Variants in TLCD5 observed in about 807,000 individuals in gnomAD.
The protein encoded by TLCD5 is TLC domain-containing protein 5.
TLCD5 carries 15 observed loss-of-function variants against 20.5 expected under a neutral mutation model. The ratio of observed to expected loss-of-function variants is 0.73; its 90% CI spans 0.49 to 1.13. The LOEUF is 1.13. Ranked by LOEUF, TLCD5 falls within the 50% of genes most tolerant of loss-of-function variation. The pLI, the probability that TLCD5 is intolerant of heterozygous loss-of-function variation, is 0.00. For missense variants in TLCD5, 289 were observed against 305.6 expected, an observed-to-expected ratio of 0.95 and a Z score of 0.41; for synonymous variants, 107 against 114.7, an observed-to-expected ratio of 0.93 and a Z score of 0.43.
Position 120,327,545 on chromosome 11 carries a change from G to T in TLCD5, c.104G>T (p.Ser35Ile), listed in dbSNP as rs1283218887. The change falls in exon 2 of 3, where the codon AGC becomes ATC. Residue 35 changes from serine (S) to isoleucine (I), a missense_variant. Coordinates refer to ENST00000375095, the MANE Select transcript of TLCD5 (RefSeq NM_001198671.2). ...HLNKHRSYEW[S>I]CRLVTFTHGV... ...AATAAGCACCGAAGCTATGAGTGGA[G>T]CTGCCGCCTGGTCACCTTCACCCAT... 1 of 1,614,038 alleles carries T rather than the reference G, an allele frequency of 6.2e-7. No homozygotes were observed. Among genetic ancestry groups the T allele is most frequent in the Non-Finnish European group, 8.5e-7 (1 of 1,180,028 alleles).
rs1185062265 is a variant in TLCD5 at position 120,330,295 on chromosome 11, T to C, written c.518T>C (p.Ile173Thr). The change falls in exon 3 of 3, where the codon ATT becomes ACT. Residue 173 changes from isoleucine (I) to threonine (T), a missense_variant. Coordinates refer to ENST00000375095, the MANE Select transcript of TLCD5 (RefSeq NM_001198671.2). ...GTGGCTCTGTTCACAGGAGTGAGGA[T>C]TGGTGTGGGAGCTTGCCTCCTTTTC... The part of the protein sequence containing the change: ...LFVALFTGVR[I>T]GVGACLLFCE... The C allele has an allele frequency of 3.8e-6, 6 of 1,565,962 alleles. No individual in the cohort carries two copies. In the African/African-American group the frequency reaches 4.1e-5, roughly 11 times the overall value.
chr11:120,331,035 G>A lies in TLCD5; in HGVS notation c.*520G>A, dbSNP rs1942143179. 1 of 153,024 alleles carries A rather than the reference G, an allele frequency of 6.5e-6. No individual in the cohort carries two copies. Among genetic ancestry groups the A allele is most frequent in the Admixed American group, 6.5e-5 (1 of 15,388 alleles). 9.5% of individuals were successfully genotyped at this position (153,024 alleles called of 1,614,324 possible). A position where few individuals can be genotyped will look rare whatever the true frequency, so the allele number is the denominator to read the frequency against. On this transcript the variant is annotated 3_prime_UTR_variant, in exon 3 of 3. Coordinates refer to ENST00000375095, the MANE Select transcript of TLCD5 (RefSeq NM_001198671.2). The surrounding 1 kb of genome is among the most constrained non-coding windows in gnomAD (Gnocchi z 4.5). ...ATCGGGGAATTGGGTCGCTTAAACA[G>A]AGGGGCATAGGAGGGTGAGAGTGAA...
Position 120,330,599 on chromosome 11 carries a change from A to G in TLCD5, c.*84A>G. 6.9e-7 allele frequency: 1 copy of G among 1,445,620 alleles called. No individual in the cohort carries two copies. The highest frequency in any genetic ancestry group is 9.2e-7 in the Non-Finnish European group (1 of 1,084,786). The allele number at this position is 1,445,620 out of a possible 1,614,324, so 89.5% of individuals were successfully genotyped here. Reference sequence around the variant, plus strand: ...ATATGACTGTTACATAATTACACTTATAACAAACTTAGGTTTCAATAAAGG... The same window carrying G: ...ATATGACTGTTACATAATTACACTTGTAACAAACTTAGGTTTCAATAAAGG... On this transcript the variant is annotated 3_prime_UTR_variant, in exon 3 of 3. Transcript: ENST00000375095.
chr11:120,328,956 T>TGTGTA, intron 2 of TLCD5, among the ~76,000 whole-genome samples: 1 of 30,574 alleles, frequency 3.3e-5, no homozygotes, highest in Non-Finnish European at 6.3e-5. Flanking sequence ...TTGTGTATGT[T>TGTGTA]TATGTATGCA....
In TLCD5 at chr11:120,330,145, G is replaced by A. The variant is rs201814817; in HGVS notation, c.368G>A (p.Gly123Asp). The A allele has an allele frequency of 3.8e-5, 62 of 1,610,650 alleles. No homozygotes were observed. Among genetic ancestry groups the A allele is most frequent in the South Asian group, 4.4e-5 (4 of 90,562 alleles). Residue 123 changes from glycine to aspartate, a missense_variant, in exon 3 of 3, where the codon GGC becomes GAC. By Grantham distance (94) the Gly-to-Asp change is moderately conservative. Transcript: ENST00000375095. Reference protein sequence around the residue: ...IIMALVLGESGTEVNAVLFGS... With the variant: ...IIMALVLGESDTEVNAVLFGS... ...ATGGCCCTTGTGCTTGGGGAGTCTG[G>A]CACAGAGGTCAATGCAGTCCTCTTT...
chr11:120,327,559 A>G lies in TLCD5; in HGVS notation c.118A>G (p.Thr40Ala). Residue 40 changes from threonine (T) to alanine (A), a missense_variant, in exon 2 of 3, where the codon ACC (threonine) becomes GCC (alanine). Physicochemically the swap from Thr to Ala is moderately conservative, Grantham distance 58. Coordinates refer to ENST00000375095, the MANE Select transcript of TLCD5 (RefSeq NM_001198671.2). Reference protein sequence around the residue: ...RSYEWSCRLVTFTHGVLSIGL... With the variant: ...RSYEWSCRLVAFTHGVLSIGL... ...CTATGAGTGGAGCTGCCGCCTGGTCACCTTCACCCATGGAGTCCTCTCTAT... is the reference window on the plus strand; with the variant it reads ...CTATGAGTGGAGCTGCCGCCTGGTCGCCTTCACCCATGGAGTCCTCTCTAT... The G allele has an allele frequency of 6.2e-7, 1 of 1,614,184 alleles. No individual in the cohort carries two copies. Among genetic ancestry groups the G allele is most frequent in the Non-Finnish European group, 8.5e-7 (1 of 1,180,030 alleles).
rs1942188192 is a variant in TLCD5, at chr11:120,332,937, A to G, written c.*2422A>G. ...ACTGTTAGGGAAACAGTAACTTTAA[A>G]TGCATGTTAACAGTGGGTCTTTAAA... On this transcript the variant is annotated 3_prime_UTR_variant, in exon 3 of 3. Transcript: ENST00000375095. The surrounding 1 kb of genome is among the most constrained non-coding windows in gnomAD (Gnocchi z 4.2). 1 of 152,168 alleles carries G rather than the reference A, an allele frequency of 6.6e-6. No individual in the cohort carries two copies. Among genetic ancestry groups the G allele is most frequent in the African/African-American group, 2.4e-5 (1 of 41,434 alleles). The allele number at this position is 152,168 out of a possible 1,614,324, so 9.4% of individuals were successfully genotyped here. A position where few individuals can be genotyped will look rare whatever the true frequency, so the allele number is the denominator to read the frequency against.
chr11:120,326,297 G>C (rs1231715662), intron 1 of TLCD5, among the ~76,000 whole-genome samples: 2 of 151,870 alleles, frequency 1.3e-5, no homozygotes, highest in Non-Finnish European at 2.9e-5. Context: ...AGACAGAATT[G>C]GAACCCAGGT....
rs1487968146 is a variant in TLCD5 at position 120,331,719 on chromosome 11, G to T, written c.*1204G>T. 6.6e-6 allele frequency: 1 copy of T among 152,244 alleles called. No homozygotes were observed. The highest frequency in any genetic ancestry group is 2.4e-5 in the African/African-American group (1 of 41,468). The allele number at this position is 152,244 out of a possible 1,614,324, so 9.4% of individuals were successfully genotyped here. On this transcript the variant is annotated 3_prime_UTR_variant, in exon 3 of 3. Coordinates refer to ENST00000375095, the MANE Select transcript of TLCD5 (RefSeq NM_001198671.2). This position sits in a 1 kb window ranked among gnomAD's most constrained non-coding sequence, Gnocchi z 4.5. The stretch of plus-strand genomic sequence containing the variant: ...TGAATGAAGTGTGGGTAGATTTACT[G>T]AGTCCTGTTATATGGGTTCTGCCCT...
chr11:120,329,879 A>T, intron 2 of TLCD5, 98 bp from the exon 3 acceptor site: 3 of 1,215,160 alleles, frequency 2.5e-6, no homozygotes, highest in Admixed American at 2.3e-5. Flanking sequence ...TTGTTTCTTT[A>T]GTGTCTAGTA....
chr11:120,330,661 C>A lies in TLCD5; in HGVS notation c.*146C>A. Reference sequence around the variant, plus strand: ...TGATCAATTTGGTCAGTCTTCAAGCCGAGCATATACCAGTATTAAAACACT... The same window carrying A: ...TGATCAATTTGGTCAGTCTTCAAGCAGAGCATATACCAGTATTAAAACACT... On this transcript the variant is annotated 3_prime_UTR_variant, in exon 3 of 3. Coordinates refer to ENST00000375095, the MANE Select transcript of TLCD5 (RefSeq NM_001198671.2). The A allele has an allele frequency of 1.2e-6, 1 of 867,166 alleles. No individual in the cohort carries two copies. Among genetic ancestry groups the A allele is most frequent in the Non-Finnish European group, 1.7e-6 (1 of 582,308 alleles). 53.7% of individuals were successfully genotyped at this position (867,166 alleles called of 1,614,324 possible). A position where few individuals can be genotyped will look rare whatever the true frequency, so the allele number is the denominator to read the frequency against.
At position 120,332,071 on chromosome 11, in the gene TLCD5, A is replaced by G. The variant is rs749126633; in HGVS notation, c.*1556A>G. 1 of 152,204 alleles carries G rather than the reference A, an allele frequency of 6.6e-6. No individual in the cohort carries two copies. The highest frequency in any genetic ancestry group is 1.5e-5 in the Non-Finnish European group (1 of 68,044). 9.4% of individuals were successfully genotyped at this position (152,204 alleles called of 1,614,324 possible). A position where few individuals can be genotyped will look rare whatever the true frequency, so the allele number is the denominator to read the frequency against. On this transcript the variant is annotated 3_prime_UTR_variant, in exon 3 of 3. Transcript: ENST00000375095. This position sits in a 1 kb window ranked among gnomAD's most constrained non-coding sequence, Gnocchi z 4.2. ...AGGCCAGTCTTGGAAGGAAAAAAAT[A>G]ATAATTCTTAGTGTGACAGTCTCCA...
chr11:120,330,497 A>C lies in TLCD5; in HGVS notation c.720A>C (p.Gly240=). 1.2e-6 allele frequency: 2 copies of C among 1,612,744 alleles called. No individual in the cohort carries two copies. Among genetic ancestry groups the C allele is most frequent in the Non-Finnish European group, 8.5e-7 (1 of 1,179,522 alleles). ...RSEERQLKHN[G]HLKIH ...AGGAACGGCAGCTGAAACACAACGG[A>C]CATCTCAAAATACACTAGCCAAGGC... Residue 240 remains glycine (G), a synonymous_variant, in exon 3 of 3, where the codon GGA becomes GGC. Coordinates refer to ENST00000375095, the MANE Select transcript of TLCD5 (RefSeq NM_001198671.2).
rs1460124871 is a variant in TLCD5, at chr11:120,330,221, A to C, written c.444A>C (p.Glu148Asp). The C allele has an allele frequency of 6.4e-7, 1 of 1,556,150 alleles. No individual in the cohort carries two copies. The highest frequency in any genetic ancestry group is 1.9e-5 in the Admixed American group (1 of 51,378). ...PLLQMRWFLR[E>D]TGHYHSFTGD... ...TACAGATGCGCTGGTTTCTCCGGGA[A>C]ACAGGGCACTATCACAGTTTCACTG... The change falls in exon 3 of 3, where the codon GAA (glutamate) becomes GAC (aspartate). Residue 148 changes from glutamate to aspartate, a missense_variant. Physicochemically the swap from Glu to Asp is conservative, Grantham distance 45 (BLOSUM62 2). Coordinates refer to ENST00000375095, the MANE Select transcript of TLCD5 (RefSeq NM_001198671.2).
intron 1 of TLCD5, 38 bp from the exon 2 acceptor site, chr11:120,327,403 C>G (rs777545065): frequency 6.2e-7 from 1 of 1,613,928 alleles, no homozygotes; most frequent in Non-Finnish European, 8.5e-7. Flanking sequence ...TCTTAGGGTG[C>G]ATCCTTTGTT....
At position 120,331,930 on chromosome 11, in the gene TLCD5, CAG is replaced by C. The variant is rs907806576; in HGVS notation, c.*1416_*1417del. The C allele has an allele frequency of 1.3e-5, 2 of 152,026 alleles. No homozygotes were observed. Among genetic ancestry groups the C allele is most frequent in the Non-Finnish European group, 2.9e-5 (2 of 68,020 alleles). The allele number at this position is 152,026 out of a possible 1,614,324, so 9.4% of individuals were successfully genotyped here. A position where few individuals can be genotyped will look rare whatever the true frequency, so the allele number is the denominator to read the frequency against. On this transcript the variant is annotated 3_prime_UTR_variant, in exon 3 of 3. Coordinates refer to ENST00000375095, the MANE Select transcript of TLCD5 (RefSeq NM_001198671.2). The surrounding 1 kb of genome is among the most constrained non-coding windows in gnomAD (Gnocchi z 4.5). ...AAGACTTTAAAGTGTGTACTGGCCT[CAG>C]GGGGATGAGGTTAATTTTTTTTTTT...
At position 120,330,400 on chromosome 11, in the gene TLCD5, T is replaced by C. The variant is rs1311293629; in HGVS notation, c.623T>C (p.Met208Thr). 1.2e-6 allele frequency: 2 copies of C among 1,614,068 alleles called. No homozygotes were observed. The highest frequency in any genetic ancestry group is 1.7e-6 in the Non-Finnish European group (2 of 1,180,046). ...ATGTATGCTGTGTCTTGGTGTTTCATGTTTAGCATCTGGCGCTTTGCATGG... is the reference window on the plus strand; with the variant it reads ...ATGTATGCTGTGTCTTGGTGTTTCACGTTTAGCATCTGGCGCTTTGCATGG... ...VAMYAVSWCFMFSIWRFAWRK... is the reference protein window; with the variant it reads ...VAMYAVSWCFTFSIWRFAWRK... Residue 208 changes from methionine to threonine, a missense_variant, in exon 3 of 3, where the codon ATG becomes ACG. Coordinates refer to ENST00000375095, the MANE Select transcript of TLCD5 (RefSeq NM_001198671.2).
rs555657580 is a variant in TLCD5, at chr11:120,333,321, T to C, written c.*2806T>C. 1.3e-5 allele frequency: 2 copies of C among 152,350 alleles called. No homozygotes were observed. The highest frequency in any genetic ancestry group is 1.3e-4 in the Admixed American group (2 of 15,304). The allele number at this position is 152,350 out of a possible 1,614,324, so 9.4% of individuals were successfully genotyped here. A position where few individuals can be genotyped will look rare whatever the true frequency, so the allele number is the denominator to read the frequency against. ...TCAGAAGTGAAGGGACTGCAGATCT[T>C]GTTGTTTTGGGGACACTTTCATGGA... On this transcript the variant is annotated 3_prime_UTR_variant, in exon 3 of 3. Transcript: ENST00000375095. The surrounding 1 kb of genome is among the most constrained non-coding windows in gnomAD (Gnocchi z 4.5).
chr11:120,327,782 A>G (rs893553540), intron 2 of TLCD5, 142 bp downstream of exon 2: 1 of 839,698 alleles, frequency 1.2e-6, no homozygotes, highest in Middle Eastern at 2.9e-4. Context: ...CTTCATTGTT[A>G]ACTCTGATAT....
Sources: allele counts gnomAD v4.1 joint callset (sites outside exome capture counted in the v4.1 genomes callset), GRCh38; gene constraint gnomAD v4.1.1; non-coding constraint Gnocchi (gnomAD v3.1); transcripts MANE v1.5; gene names NCBI Gene and HGNC (gene_info 2026-07-23, HGNC 2026-07-21).